PRORP: variants seen among roughly 807,000 people sequenced by gnomAD.
The protein encoded by PRORP is mitochondrial ribonuclease P catalytic subunit.
Under a neutral mutation model 59.4 loss-of-function variants are expected in PRORP, and 51 were observed. The observed-to-expected ratio is 0.86, with a 90% CI of 0.69 to 1.08. PRORP has a LOEUF of 1.08. Ranked by LOEUF, PRORP falls within the 50% of genes least tolerant of loss-of-function variation. PRORP has a pLI of 0.00. For synonymous variants in PRORP, 231 were observed against 245.6 expected (o/e 0.94, Z 0.55); for missense variants, 646 against 690.3 (o/e 0.94, Z 0.72).
intron 4 of PRORP, among the ~76,000 whole-genome samples, chr14:35,164,816 A>G (rs1320022405): frequency 6.6e-6 from 1 of 152,206 alleles, no homozygotes; most frequent in Non-Finnish European, 1.5e-5. Flanking sequence ...TCCAGGTGAA[A>G]TTCCATTAGT....
At chr14:35,217,918 T>G (rs756293830) in intron 5 of PRORP, among the ~76,000 whole-genome samples, 10 of 152,226 alleles carry the variant, frequency 6.6e-5, no homozygotes, top group Non-Finnish European at 1.5e-4. Flanking sequence ...GTTTTGGCTA[T>G]TCTTGGTCCC....
rs2046969692 is a variant in PRORP at position 35,122,931 on chromosome 14, CG to C, written c.-294-20del. On this transcript the variant is annotated intron_variant, in intron 1 of 7. Coordinates refer to ENST00000534898, the MANE Select transcript of PRORP (RefSeq NM_014672.4). ...TCCACGTGAGTAAAACTGGGCGTTC[CG>C]TCTTGTGCTTTTTCCTCAGGTTCAT... The C allele has an allele frequency of 3.7e-6, 1 of 267,148 alleles. No homozygotes were observed. Among genetic ancestry groups the C allele is most frequent in the Non-Finnish European group, 7.2e-6 (1 of 138,542 alleles). 16.5% of individuals were successfully genotyped at this position (267,148 alleles called of 1,614,324 possible). A position where few individuals can be genotyped will look rare whatever the true frequency, so the allele number is the denominator to read the frequency against.
At chr14:35,182,596 G>A (rs2048642231) in intron 5 of PRORP, among the ~76,000 whole-genome samples, 1 of 152,198 alleles carries the variant, frequency 6.6e-6, no homozygotes, top group South Asian at 2.1e-4. Flanking sequence ...AGTGAGCTGA[G>A]ATCTTGCCAT....
intron 5 of PRORP, among the ~76,000 whole-genome samples, chr14:35,209,629 C>G (rs2049385951): frequency 6.6e-6 from 1 of 152,036 alleles, no homozygotes; most frequent in South Asian, 2.1e-4. Flanking sequence ...CTCTGCCTCC[C>G]AGGTTCAAGC....
At chr14:35,189,555 A>G (rs2048831018) in intron 5 of PRORP, among the ~76,000 whole-genome samples, 1 of 151,836 alleles carries the variant, frequency 6.6e-6, no homozygotes, top group Non-Finnish European at 1.5e-5. Context: ...TGATTCAATT[A>G]CTGTTTCTTG....
intron 5 of PRORP, among the ~76,000 whole-genome samples, chr14:35,257,822 A>G (rs78303310): frequency 1.3e-5 from 2 of 152,180 alleles, no homozygotes; most frequent in African/African-American, 4.8e-5. Context: ...GCAGAGGAGG[A>G]GGTAAAAAGG....
At chr14:35,215,940 T>C (rs956021299) in intron 5 of PRORP, among the ~76,000 whole-genome samples, 1 of 151,732 alleles carries the variant, frequency 6.6e-6, no homozygotes, top group Non-Finnish European at 1.5e-5. Flanking sequence ...CTAATTTTTG[T>C]ATTTTTAGTA....
intron 5 of PRORP, among the ~76,000 whole-genome samples, chr14:35,226,891 C>T (rs1211174127): frequency 6.6e-6 from 1 of 151,786 alleles, no homozygotes; most frequent in Non-Finnish European, 1.5e-5. Flanking sequence ...TGCACTAACA[C>T]ACCTGGCTAA....
At chr14:35,260,380 C>G (rs1390504243) in intron 5 of PRORP, among the ~76,000 whole-genome samples, 7 of 152,196 alleles carry the variant, frequency 4.6e-5, no homozygotes, top group Admixed American at 4.6e-4. Context: ...CTTGATAATA[C>G]TATCTAATGT....
intron 5 of PRORP, among the ~76,000 whole-genome samples, chr14:35,189,724 C>G (rs2048834503): frequency 6.6e-6 from 1 of 151,996 alleles, no homozygotes; most frequent in Admixed American, 6.6e-5. Context: ...TTCTTGTGTT[C>G]GTGCATGACT....
chr14:35,165,407 A>G (rs2048159374), intron 4 of PRORP, among the ~76,000 whole-genome samples: 1 of 152,152 alleles, frequency 6.6e-6, no homozygotes, highest in Non-Finnish European at 1.5e-5. Flanking sequence ...TTATTCTCCT[A>G]ATCTGTTAAG....
intron 5 of PRORP, among the ~76,000 whole-genome samples, chr14:35,239,574 G>A (rs2050308751): frequency 6.6e-6 from 1 of 152,176 alleles, no homozygotes; most frequent in Admixed American, 6.5e-5. Context: ...CATAAAATTA[G>A]ATGGCTGGTC....
rs3058468 is a variant in PRORP at position 35,274,315 on chromosome 14, ATTTTTTT to A, written c.*760_*766del. ...AGGCATGTATCACCAGGCTTGGCTA[ATTTTTTT>A]TTTTTTTTTTGTAGAGATGGCTGTC... On this transcript the variant is annotated 3_prime_UTR_variant, in exon 8 of 8. Transcript: ENST00000534898. The A allele has an allele frequency of 7.2e-6, 1 of 138,682 alleles. No homozygotes were observed. The highest frequency in any genetic ancestry group is 1.6e-5 in the Non-Finnish European group (1 of 64,064). 8.6% of individuals were successfully genotyped at this position (138,682 alleles called of 1,614,324 possible).
intron 4 of PRORP, among the ~76,000 whole-genome samples, chr14:35,143,004 C>T (rs2047518700): frequency 6.9e-6 from 1 of 144,556 alleles, no homozygotes; most frequent in Admixed American, 7.2e-5. Context: ...AAACAGCTTT[C>T]TTTGTTTTCT....
At chr14:35,248,108 GA>G (rs145784310) in intron 5 of PRORP, among the ~76,000 whole-genome samples, 9,276 of 152,228 alleles carry the variant, frequency 0.061, 367 homozygotes, top group Middle Eastern at 0.11. Flanking sequence ...AGGACGAGAG[GA>G]GATAATTGAA....
chr14:35,246,852 T>C (rs1440257509), intron 5 of PRORP, among the ~76,000 whole-genome samples: 1 of 152,216 alleles, frequency 6.6e-6, no homozygotes, highest in Non-Finnish European at 1.5e-5. Flanking sequence ...TCTCTTCTTT[T>C]CTTTTTTGCT....
chr14:35,167,931 C>A (rs1283545806), intron 4 of PRORP, among the ~76,000 whole-genome samples: 2 of 152,122 alleles, frequency 1.3e-5, no homozygotes, highest in African/African-American at 2.4e-5. Flanking sequence ...GCTGCAGACA[C>A]CAGATAATAT....
chr14:35,262,209 G>T (rs1265254945), intron 5 of PRORP, among the ~76,000 whole-genome samples: 4 of 151,760 alleles, frequency 2.6e-5, no homozygotes, highest in African/African-American at 9.7e-5. Context: ...ATGGGGTCTT[G>T]CTGTGTTGCC....
At position 35,273,819 on chromosome 14, in the gene PRORP, C is replaced by G. The variant is rs1281316509; in HGVS notation, c.*253C>G. 1.2e-5 allele frequency: 3 copies of G among 260,388 alleles called. No homozygotes were observed. The East Asian group carries it at 2.4e-4, about 21-fold the overall frequency. The allele number at this position is 260,388 out of a possible 1,614,324, so 16.1% of individuals were successfully genotyped here. A position where few individuals can be genotyped will look rare whatever the true frequency, so the allele number is the denominator to read the frequency against. ...TTAGTGTAGAGCAAAACCTGCATTT[C>G]TCCTACTGGGCCAGCTATTCCACTT... is the stretch of plus-strand genomic sequence containing the variant. On this transcript the variant is annotated 3_prime_UTR_variant, in exon 8 of 8. Coordinates refer to ENST00000534898, the MANE Select transcript of PRORP (RefSeq NM_014672.4).
Sources: allele counts gnomAD v4.1 joint callset (sites outside exome capture counted in the v4.1 genomes callset), GRCh38; gene constraint gnomAD v4.1.1; transcripts MANE v1.5; gene names NCBI Gene and HGNC (gene_info 2026-07-23, HGNC 2026-07-21).